The following PON2 variants were observed in gnomAD, a reference collection of about 807,000 sequenced individuals.
PON2 encodes the protein serum paraoxonase/arylesterase 2.
A neutral mutation model predicts 36.6 loss-of-function variants in PON2; 27 were observed. The ratio of observed to expected loss-of-function variants is 0.74; its 90% CI spans 0.54 to 1.02. The LOEUF (loss-of-function observed/expected upper bound fraction) is 1.02, where lower values mean the gene tolerates loss of function less well. Ranked by LOEUF, PON2 falls within the 50% of genes least tolerant of loss-of-function variation. PON2 has a pLI of 0.00. For synonymous variants in PON2, 149 were observed against 156.3 expected (o/e 0.95, Z 0.35); for missense variants, 363 against 421.1 (o/e 0.86, Z 1.21).
chr7:95,405,272 T>C lies in PON2; in HGVS notation c.*58A>G. On this transcript the variant is annotated 3_prime_UTR_variant, in exon 9 of 9. Coordinates refer to ENST00000222572, the MANE Select transcript of PON2 (RefSeq NM_000305.3). ...GTTGCTGGTTAAATTCCCTCAGAAT[T>C]AGCAATTCATAGAAAATTAATTGTT... 1 of 1,558,590 alleles carries C rather than the reference T, an allele frequency of 6.4e-7. No individual in the cohort carries two copies. The highest frequency in any genetic ancestry group is 8.8e-7 in the Non-Finnish European group (1 of 1,132,294).
At chr7:95,418,212 C>T (rs1018242531) in intron 2 of PON2, 2 of 152,158 alleles carry the variant, frequency 1.3e-5, no homozygotes, top group Admixed American at 6.5e-5. Context: ...ATTTTTGCTC[C>T]TCTAATTTAA....
intron 1 of PON2, among the ~76,000 whole-genome samples, chr7:95,425,624 C>A (rs912189371): frequency 2.0e-5 from 3 of 152,184 alleles, no homozygotes; most frequent in Non-Finnish European, 4.4e-5. Flanking sequence ...TGTGCATATT[C>A]CTGACAGCTT....
At chr7:95,434,745 C>G in intron 1 of PON2, 133 bp downstream of exon 1, 1 of 977,098 alleles carries the variant, frequency 1.0e-6, no homozygotes, top group Non-Finnish European at 1.5e-6. Context: ...GGACAGCATT[C>G]AAAAATTCTC....
At chr7:95,434,842 G>GA (rs1468636100) in intron 1 of PON2, 36 bp downstream of exon 1, 51 of 1,533,220 alleles carry the variant, frequency 3.3e-5, no homozygotes, top group Non-Finnish European at 4.0e-5. Context: ...CGAGCCTGGG[G>GA]ACCGCCGAGG....
intron 6 of PON2, among the ~76,000 whole-genome samples, chr7:95,407,895 C>T (rs142560374): frequency 3.3e-5 from 5 of 152,168 alleles, no homozygotes; most frequent in East Asian, 3.9e-4. Flanking sequence ...GAGATGAGGA[C>T]GGAGGAGGCA....
At position 95,424,584 on chromosome 7, in the gene PON2, TTC is replaced by T; in HGVS notation, c.75-1_75del. 1.9e-6 allele frequency: 3 copies of T among 1,612,510 alleles called. No individual in the cohort carries two copies. The highest frequency in any genetic ancestry group is 2.5e-6 in the Non-Finnish European group (3 of 1,179,150). On this transcript the variant is annotated splice_acceptor_variant and coding_sequence_variant, in exon 2 of 9. Coordinates refer to ENST00000222572, the MANE Select transcript of PON2 (RefSeq NM_000305.3). LOFTEE classifies it high-confidence loss of function. Reference sequence around the variant, plus strand: ...ACTTCTCTGGAGGCTTTAAGTCGATTTCTGTTACAAAGAAAAAAAAACAAAAA... The same window carrying T: ...ACTTCTCTGGAGGCTTTAAGTCGATTTGTTACAAAGAAAAAAAAACAAAAA...
chr7:95,424,485 T>C (rs757054671), intron 2 of PON2, 30 bp downstream of exon 2: 5 of 1,579,250 alleles, frequency 3.2e-6, no homozygotes, highest in East Asian at 2.2e-5. Context: ...AAAAATGCAA[T>C]GTGCCCAACA....
chr7:95,431,202 G>T lies in PON2; in HGVS notation c.74+3676C>A, dbSNP rs367850239. On this transcript the variant is annotated intron_variant, in intron 1 of 8. Transcript: ENST00000222572. ...GAATCCCAGTTACAGTTCAGAAGAA[G>T]AAAGACAACTTTGATGGCATTTATC... is the stretch of plus-strand genomic sequence containing the variant. Among the ~76,000 whole-genome samples the T allele has an allele frequency of 3.3e-5, 5 of 152,256 alleles. 1 individual carries two copies. In the East Asian group the frequency reaches 9.6e-4, roughly 29 times the overall value.
At chr7:95,409,712 G>T (rs1410421498) in intron 6 of PON2, 189 bp downstream of exon 6, 1 of 186,280 alleles carries the variant, frequency 5.4e-6, no homozygotes, top group Non-Finnish European at 1.0e-5. Flanking sequence ...ATAAATACAT[G>T]TGACTAAGTA....
chr7:95,425,260 T>C lies in PON2; in HGVS notation c.75-675A>G, dbSNP rs541770077. Among the ~76,000 whole-genome samples the C allele has an allele frequency of 9.9e-5, 15 of 152,272 alleles. No individual in the cohort carries two copies. In the South Asian group the frequency reaches 1.7e-3, roughly 17 times the overall value. On this transcript the variant is annotated intron_variant, in intron 1 of 8. Coordinates refer to ENST00000222572, the MANE Select transcript of PON2 (RefSeq NM_000305.3). ...GACAGTATGTATTGGAATAGGAAGGTTGGAGAACACCAACTAGTTCTGTAA... is the reference window on the plus strand; with the variant it reads ...GACAGTATGTATTGGAATAGGAAGGCTGGAGAACACCAACTAGTTCTGTAA...
At position 95,409,892 on chromosome 7, in the gene PON2, G is replaced by A. The variant is rs1231307209; in HGVS notation, c.695+9C>T. 1 of 1,610,224 alleles carries A rather than the reference G, an allele frequency of 6.2e-7. No individual in the cohort carries two copies. The highest frequency in any genetic ancestry group is 1.7e-5 in the Admixed American group (1 of 59,950). ...AAGAAAAATGAAGATATTCTATAAG[G>A]GGCCATACTTATCATCAGGTGAAAT... On this transcript the variant is annotated intron_variant, in intron 6 of 8. Transcript: ENST00000222572.
intron 2 of PON2, among the ~76,000 whole-genome samples, chr7:95,421,967 C>T: frequency 6.6e-6 from 1 of 152,118 alleles, no homozygotes; most frequent in Non-Finnish European, 1.5e-5. Context: ...TTACTGTTGC[C>T]AAATTGAGAG....
At chr7:95,433,442 C>G (rs996824756) in intron 1 of PON2, among the ~76,000 whole-genome samples, 1 of 152,148 alleles carries the variant, frequency 6.6e-6, no homozygotes, top group Non-Finnish European at 1.5e-5. Flanking sequence ...CACTCAGACA[C>G]CAGCCCTCCA....
chr7:95,407,327 T>C (rs1217968238), intron 6 of PON2, among the ~76,000 whole-genome samples: 1 of 152,214 alleles, frequency 6.6e-6, no homozygotes. Context: ...ATTTTGAATA[T>C]GAAGTCCATA....
At chr7:95,419,702 A>G (rs542981364) in intron 2 of PON2, among the ~76,000 whole-genome samples, 193 of 151,826 alleles carry the variant, frequency 1.3e-3, no homozygotes, top group Non-Finnish European at 2.1e-3. Flanking sequence ...TACTGGGTAG[A>G]AAAAAAAATC....
chr7:95,429,397 T>C (rs932002412), intron 1 of PON2, among the ~76,000 whole-genome samples: 7 of 152,148 alleles, frequency 4.6e-5, no homozygotes, highest in Non-Finnish European at 7.4e-5. Flanking sequence ...TATTCCATGG[T>C]GTATATGTGC....
Position 95,406,155 on chromosome 7 carries a change from G to C in PON2, c.870C>G (p.Leu290=), listed in dbSNP as rs1229430155. The C allele has an allele frequency of 1.2e-6, 2 of 1,613,872 alleles. No homozygotes were observed. Among genetic ancestry groups the C allele is most frequent in the Non-Finnish European group, 1.7e-6 (2 of 1,179,786 alleles). ...GAGGATTGTTCGGGTCATACACGAAGAGCTTCTGGCCATTAGGATGACAGC... is the reference window on the plus strand; with the variant it reads ...GAGGATTGTTCGGGTCATACACGAACAGCTTCTGGCCATTAGGATGACAGC... The part of the protein sequence containing the change: ...WVGCHPNGQK[L]FVYDPNNPPS... Residue 290 remains leucine (L), a synonymous_variant, in exon 8 of 9, where the codon CTC becomes CTG. Coordinates refer to ENST00000222572, the MANE Select transcript of PON2 (RefSeq NM_000305.3).
At chr7:95,425,417 A>G (rs1173210370) in intron 1 of PON2, among the ~76,000 whole-genome samples, 1 of 152,166 alleles carries the variant, frequency 6.6e-6, no homozygotes, top group Non-Finnish European at 1.5e-5. Flanking sequence ...GCAGTTTGGG[A>G]CAATATCTGT....
In PON2 at chr7:95,405,366, G is replaced by C; in HGVS notation, c.1029C>G (p.Gly343=). ...AATACAAGGCTCTGTGGTATAAAGT[G>C]CCTATGAGCAGCTTCCCATCATACA... ...ASVYDGKLLI[G]TLYHRALYCE... Residue 343 remains glycine (G), a synonymous_variant, in exon 9 of 9, where the codon GGC becomes GGG. Coordinates refer to ENST00000222572, the MANE Select transcript of PON2 (RefSeq NM_000305.3). 1.9e-6 allele frequency: 3 copies of C among 1,613,946 alleles called. No homozygotes were observed. The highest frequency in any genetic ancestry group is 2.5e-6 in the Non-Finnish European group (3 of 1,179,864).
Sources: allele counts gnomAD v4.1 joint callset (sites outside exome capture counted in the v4.1 genomes callset), GRCh38; gene constraint gnomAD v4.1.1; transcripts MANE v1.5; gene names NCBI Gene and HGNC (gene_info 2026-07-23, HGNC 2026-07-21).